ZDHHC17: variants seen among roughly 807,000 people sequenced by gnomAD.
The protein encoded by ZDHHC17 is palmitoyltransferase ZDHHC17.
In ZDHHC17, 40 loss-of-function variants were observed where a neutral mutation model predicts 90.3. The ratio of observed to expected loss-of-function variants is 0.44; its 90% CI spans 0.34 to 0.58. ZDHHC17 has a LOEUF of 0.58. Among genes scored for constraint, ZDHHC17 ranks in the 20% least tolerant of loss-of-function variants. ZDHHC17 has a pLI of 0.01. For missense variants in ZDHHC17, 614 were observed against 780.8 expected (o/e 0.79, Z 2.55); for synonymous variants, 235 against 252.4 (o/e 0.93, Z 0.65).
chr12:76,784,918 C>T (rs538294254), intron 1 of ZDHHC17, among the ~76,000 whole-genome samples: 2 of 152,284 alleles, frequency 1.3e-5, no homozygotes, highest in African/African-American at 4.8e-5. Flanking sequence ...GCATTTTGCT[C>T]GTTGACTTTC....
intron 14 of ZDHHC17, among the ~76,000 whole-genome samples, chr12:76,847,670 G>A (rs567280546): frequency 1.2e-4 from 18 of 152,186 alleles, no homozygotes; most frequent in Non-Finnish European, 1.9e-4. Flanking sequence ...CCTGGGCAAC[G>A]TAGGAAGAGA....
intron 1 of ZDHHC17, among the ~76,000 whole-genome samples, chr12:76,781,271 C>T (rs930551802): frequency 3.3e-5 from 5 of 152,012 alleles, no homozygotes; most frequent in African/African-American, 4.8e-5. Context: ...AAAACTAATA[C>T]GTACTTACCC....
chr12:76,792,570 A>T (rs1271128219), intron 1 of ZDHHC17, among the ~76,000 whole-genome samples: 1 of 152,038 alleles, frequency 6.6e-6, no homozygotes, highest in African/African-American at 2.4e-5. Flanking sequence ...CCTGTCTACT[A>T]TTCCTGTCTA....
At position 76,852,931 on chromosome 12, in the gene ZDHHC17, A is replaced by G. The variant is rs913737438; in HGVS notation, c.*1946A>G. 2 of 152,598 alleles carry G rather than the reference A, an allele frequency of 1.3e-5. No individual in the cohort carries two copies. The highest frequency in any genetic ancestry group is 2.9e-5 in the Non-Finnish European group (2 of 68,024). 9.5% of individuals were successfully genotyped at this position (152,598 alleles called of 1,614,324 possible). A position where few individuals can be genotyped will look rare whatever the true frequency, so the allele number is the denominator to read the frequency against. ...ATTTTTAAATTCAAAGTTATTTATA[A>G]AATGCTAGAATTTGTTTTAATTTTT... is the stretch of plus-strand genomic sequence containing the variant. On this transcript the variant is annotated 3_prime_UTR_variant, in exon 17 of 17. Coordinates refer to ENST00000426126, the MANE Select transcript of ZDHHC17 (RefSeq NM_015336.4).
intron 1 of ZDHHC17, among the ~76,000 whole-genome samples, chr12:76,767,788 A>G (rs1952448933): frequency 6.6e-6 from 1 of 152,148 alleles, no homozygotes; most frequent in Non-Finnish European, 1.5e-5. Flanking sequence ...GCGTGGTGGC[A>G]CATGCCTATA....
intron 10 of ZDHHC17, among the ~76,000 whole-genome samples, chr12:76,838,906 G>C (rs958251566): frequency 6.6e-6 from 1 of 152,142 alleles, no homozygotes; most frequent in East Asian, 1.9e-4. Flanking sequence ...GAGACTAGGT[G>C]GTTTAACAAC....
chr12:76,806,933 C>T (rs2137758525), intron 3 of ZDHHC17, among the ~76,000 whole-genome samples: 1 of 152,324 alleles, frequency 6.6e-6, no homozygotes, highest in South Asian at 2.1e-4. Context: ...GCTACATTTT[C>T]AGTGCAGTGT....
rs1198346780 is a variant in ZDHHC17 at position 76,828,375 on chromosome 12, A to G, written c.1041-15A>G. On this transcript the variant is annotated splice_polypyrimidine_tract_variant and intron_variant, in intron 9 of 16. Coordinates refer to ENST00000426126, the MANE Select transcript of ZDHHC17 (RefSeq NM_015336.4). ...AAATATAGAGCTCATATTTTATAAA[A>G]CTTGTGTTTTACAGATCCTTTTTCG... 5 of 1,575,890 alleles carry G rather than the reference A, an allele frequency of 3.2e-6. No individual in the cohort carries two copies. The highest frequency in any genetic ancestry group is 4.3e-6 in the Non-Finnish European group (5 of 1,164,138).
At chr12:76,820,579 G>C (rs2137776549) in intron 7 of ZDHHC17, among the ~76,000 whole-genome samples, 1 of 152,230 alleles carries the variant, frequency 6.6e-6, no homozygotes, top group Middle Eastern at 3.4e-3. Context: ...AAATTACTGA[G>C]CTCTGTTCAT....
chr12:76,836,828 G>T (rs886447168), intron 10 of ZDHHC17, among the ~76,000 whole-genome samples: 2 of 151,898 alleles, frequency 1.3e-5, no homozygotes, highest in African/African-American at 4.8e-5. Flanking sequence ...TCCATATTTT[G>T]GAGTTTCATT....
intron 7 of ZDHHC17, among the ~76,000 whole-genome samples, chr12:76,817,040 G>A (rs1031176392): frequency 3.3e-5 from 5 of 151,986 alleles, no homozygotes; most frequent in African/African-American, 1.2e-4. Flanking sequence ...TAAGCGATGG[G>A]CACTCTAGGT....
At chr12:76,808,786 AT>A (rs1412878034) in intron 3 of ZDHHC17, among the ~76,000 whole-genome samples, 2 of 150,742 alleles carry the variant, frequency 1.3e-5, no homozygotes, top group South Asian at 2.1e-4. Context: ...TTTTTACGTG[AT>A]TTTTTTGGCA....
At chr12:76,822,255 A>G in intron 7 of ZDHHC17, 151 bp from the exon 8 acceptor site, 3 of 898,688 alleles carry the variant, frequency 3.3e-6, no homozygotes, top group East Asian at 2.8e-5. Context: ...AATAAGAAAC[A>G]TGTAATGATG....
In ZDHHC17 at chr12:76,827,174, T is replaced by A. The variant is rs539004292; in HGVS notation, c.1040+124T>A. 1.2e-3 allele frequency: 1,319 copies of A among 1,124,014 alleles called. 13 individuals carry two copies. The African/African-American group carries it at 0.02, about 17-fold the overall frequency. 69.6% of individuals were successfully genotyped at this position (1,124,014 alleles called of 1,614,324 possible). ...TTAATTTATTTAAATAATTTAGACA[T>A]CTGTATGTGAAATATGAGATTTTTT... On this transcript the variant is annotated intron_variant, in intron 9 of 16. Coordinates refer to ENST00000426126, the MANE Select transcript of ZDHHC17 (RefSeq NM_015336.4).
intron 2 of ZDHHC17, among the ~76,000 whole-genome samples, chr12:76,799,660 A>G (rs1952863804): frequency 6.6e-6 from 1 of 152,210 alleles, no homozygotes; most frequent in Non-Finnish European, 1.5e-5. Context: ...GATCTGAACA[A>G]TTTGATTTTA....
At chr12:76,780,410 A>G (rs562450392) in intron 1 of ZDHHC17, among the ~76,000 whole-genome samples, 1 of 152,302 alleles carries the variant, frequency 6.6e-6, no homozygotes, top group South Asian at 2.1e-4. Flanking sequence ...GCAGTTCTCT[A>G]CACTTAACAT....
chr12:76,783,573 G>C (rs1952651826), intron 1 of ZDHHC17, among the ~76,000 whole-genome samples: 1 of 152,254 alleles, frequency 6.6e-6, no homozygotes, highest in East Asian at 1.9e-4. Flanking sequence ...ATGAGATTTG[G>C]ATGGGGACAC....
chr12:76,769,486 C>G (rs1952469283), intron 1 of ZDHHC17, among the ~76,000 whole-genome samples: 1 of 152,098 alleles, frequency 6.6e-6, no homozygotes, highest in Non-Finnish European at 1.5e-5. Flanking sequence ...CATTTGCTTT[C>G]AGAAAGCAGA....
At chr12:76,796,316 C>T (rs1431095091) in intron 1 of ZDHHC17, among the ~76,000 whole-genome samples, 1 of 152,050 alleles carries the variant, frequency 6.6e-6, no homozygotes, top group African/African-American at 2.4e-5. Context: ...GCATTTTCAA[C>T]AGATGTTATT....
Sources: gnomAD v4.1 joint callset for allele counts (sites outside exome capture counted in the v4.1 genomes callset) on GRCh38, gnomAD v4.1.1 for gene constraint, MANE v1.5 for transcripts, NCBI Gene and HGNC (gene_info 2026-07-23, HGNC 2026-07-21) for gene names.